RBPMS: variants seen among roughly 807,000 people sequenced by gnomAD.
RBPMS encodes the protein RNA-binding protein with multiple splicing.
RBPMS carries 7 observed loss-of-function variants against 26.8 expected under a neutral mutation model. The ratio of observed to expected loss-of-function variants is 0.26; its 90% CI spans 0.15 to 0.49. RBPMS has a LOEUF of 0.49. RBPMS is among the 20% of genes least tolerant of loss of function. The pLI is 0.98. For synonymous variants in RBPMS, 96 were observed against 93.3 expected, an observed-to-expected ratio of 1.03 and a Z score of -0.17; for missense variants, 186 against 250.0, an observed-to-expected ratio of 0.74 and a Z score of 1.73.
chr8:30,498,880 ATG>A (rs1221664646), intron 4 of RBPMS, among the ~76,000 whole-genome samples: 2 of 151,956 alleles, frequency 1.3e-5, no homozygotes, highest in East Asian at 1.9e-4. Context: ...ATATATTAAA[ATG>A]TGTTTATTAA....
chr8:30,541,223 T>G (rs1825359036), intron 5 of RBPMS, among the ~76,000 whole-genome samples: 1 of 152,198 alleles, frequency 6.6e-6, no homozygotes, highest in African/African-American at 2.4e-5. Flanking sequence ...TGCATCTGTT[T>G]CCTCATCTAA....
chr8:30,411,410 A>G (rs1016190657), intron 1 of RBPMS, among the ~76,000 whole-genome samples: 1 of 152,130 alleles, frequency 6.6e-6, no homozygotes, highest in Non-Finnish European at 1.5e-5. Flanking sequence ...CACGCCTGTA[A>G]TCCCAGCACA....
chr8:30,521,722 G>A (rs973285030), intron 5 of RBPMS, among the ~76,000 whole-genome samples: 1 of 151,926 alleles, frequency 6.6e-6, no homozygotes, highest in African/African-American at 2.4e-5. Context: ...TTTAGGCTGG[G>A]TAATATTCCA....
chr8:30,493,794 G>A (rs1210810349), intron 4 of RBPMS, among the ~76,000 whole-genome samples: 3 of 151,980 alleles, frequency 2.0e-5, no homozygotes, highest in Admixed American at 6.5e-5. Flanking sequence ...ACGCCCTCTC[G>A]ACCCTTTGGA....
At chr8:30,542,860 C>T (rs986187366) in intron 5 of RBPMS, among the ~76,000 whole-genome samples, 1 of 152,212 alleles carries the variant, frequency 6.6e-6, no homozygotes, top group Non-Finnish European at 1.5e-5. Context: ...TGAGGGTGGT[C>T]CCTAAGCCTT....
In RBPMS at chr8:30,511,008, A is replaced by G. The variant is rs1821529416; in HGVS notation, c.397+6572A>G. On this transcript the variant is annotated intron_variant, in intron 5 of 8. Transcript: ENST00000397323. ...AAAGTCAGGATTTCAGGGCTGGTCA[A>G]CTTCTTATTGAAAAAAATCAAGGCC... Among the ~76,000 whole-genome samples the G allele has an allele frequency of 2.0e-5, 3 of 152,052 alleles. No individual in the cohort carries two copies. In the South Asian group the frequency reaches 6.2e-4, roughly 32 times the overall value.
chr8:30,443,110 T>TA, intron 1 of RBPMS, among the ~76,000 whole-genome samples: 1 of 152,306 alleles, frequency 6.6e-6, no homozygotes, highest in Non-Finnish European at 1.5e-5. Context: ...GCAGTTGTGA[T>TA]AGAGTCACCT....
intron 2 of RBPMS, among the ~76,000 whole-genome samples, chr8:30,476,773 C>T (rs536599814): frequency 6.6e-6 from 1 of 152,262 alleles, no homozygotes; most frequent in Admixed American, 6.5e-5. Flanking sequence ...TAATGCAAGC[C>T]ACCAGCTATT....
intron 5 of RBPMS, among the ~76,000 whole-genome samples, chr8:30,542,563 G>T (rs1376209780): frequency 6.6e-6 from 1 of 152,238 alleles, no homozygotes; most frequent in Admixed American, 6.5e-5. Context: ...GGAATCAGTT[G>T]TATGTATCAG....
intron 4 of RBPMS, 90 bp from the exon 5 acceptor site, chr8:30,504,196 C>T (rs1302689959): frequency 1.0e-5 from 14 of 1,380,242 alleles, no homozygotes; most frequent in Admixed American, 1.7e-5. Flanking sequence ...TCCTGATAGA[C>T]CAGGGTTTAC....
Position 30,384,792 on chromosome 8 carries a change from C to G in RBPMS, c.-301C>G, listed in dbSNP as rs1450592396. 1.1e-5 allele frequency: 3 copies of G among 282,502 alleles called. No homozygotes were observed. Among genetic ancestry groups the G allele is most frequent in the African/African-American group, 6.7e-5 (3 of 44,858 alleles). 17.5% of individuals were successfully genotyped at this position (282,502 alleles called of 1,614,324 possible). A position where few individuals can be genotyped will look rare whatever the true frequency, so the allele number is the denominator to read the frequency against. The stretch of plus-strand genomic sequence containing the variant: ...TCCTTCCTCCCCTGGCTCCCGCCCT[C>G]CCTCTCCAGGTCGCCCTCCCGGGGC... On this transcript the variant is annotated 5_prime_UTR_variant, in exon 1 of 9. Coordinates refer to ENST00000397323, the MANE Select transcript of RBPMS (RefSeq NM_001008710.3). This position sits in a 1 kb window ranked among gnomAD's most constrained non-coding sequence, Gnocchi z 5.6.
intron 4 of RBPMS, among the ~76,000 whole-genome samples, chr8:30,497,120 A>C (rs1364376567): frequency 6.6e-6 from 1 of 152,244 alleles, no homozygotes; most frequent in African/African-American, 2.4e-5. Flanking sequence ...GAAACAGTTT[A>C]TATTCCTAAC....
At chr8:30,430,204 T>C (rs1811776778) in intron 1 of RBPMS, among the ~76,000 whole-genome samples, 1 of 151,468 alleles carries the variant, frequency 6.6e-6, no homozygotes. Context: ...TGGGTTAGAG[T>C]GATACCCTGT....
intron 1 of RBPMS, among the ~76,000 whole-genome samples, chr8:30,453,232 G>A (rs1481094136): frequency 6.6e-6 from 1 of 152,184 alleles, no homozygotes; most frequent in African/African-American, 2.4e-5. Context: ...AACGGTTCAT[G>A]TAGAATCTTG....
At chr8:30,453,147 G>A (rs1397977278) in intron 1 of RBPMS, among the ~76,000 whole-genome samples, 1 of 152,140 alleles carries the variant, frequency 6.6e-6, no homozygotes, top group Non-Finnish European at 1.5e-5. Flanking sequence ...ACCTTACTTA[G>A]AGTATCCAGG....
At position 30,441,112 on chromosome 8, in the gene RBPMS, C is replaced by T. The variant is rs1813024304; in HGVS notation, c.67-33667C>T. ...GAACTACAGGAGTGAGCTACCCTGC[C>T]TGGACTATTTTGAGTTTTGATAGTA... On this transcript the variant is annotated intron_variant, in intron 1 of 8. Coordinates refer to ENST00000397323, the MANE Select transcript of RBPMS (RefSeq NM_001008710.3). Among the ~76,000 whole-genome samples, 5 of 152,168 alleles carry T rather than the reference C, an allele frequency of 3.3e-5. No individual in the cohort carries two copies. The South Asian group carries it at 1.0e-3, about 32-fold the overall frequency.
At chr8:30,552,842 T>G (rs1826506115) in intron 6 of RBPMS, 1 of 152,220 alleles carries the variant, frequency 6.6e-6, no homozygotes, top group Non-Finnish European at 1.5e-5. Context: ...CCAGCTTTGA[T>G]CAGGCTTACC....
chr8:30,426,611 C>T (rs551455195), intron 1 of RBPMS, among the ~76,000 whole-genome samples: 20 of 151,480 alleles, frequency 1.3e-4, no homozygotes, highest in South Asian at 2.1e-4. Context: ...AAGTGTTTGT[C>T]GTAGTTTCTA....
chr8:30,446,887 C>G (rs1813924518), intron 1 of RBPMS: 1 of 148,338 alleles, frequency 6.7e-6, no homozygotes, highest in Non-Finnish European at 1.5e-5. Flanking sequence ...AGAGATGGAA[C>G]TTCAGTATTT....
Sources: gnomAD v4.1 joint callset for allele counts (sites outside exome capture counted in the v4.1 genomes callset) on GRCh38, gnomAD v4.1.1 for gene constraint, Gnocchi (gnomAD v3.1) non-coding constraint, MANE v1.5 for transcripts, NCBI Gene and HGNC (gene_info 2026-07-23, HGNC 2026-07-21) for gene names.